Variants in CALN1 observed in about 807,000 individuals in gnomAD.
The protein encoded by CALN1 is calneuron 1.
CALN1 carries 17 observed loss-of-function variants against 30.6 expected under a neutral mutation model. The observed-to-expected ratio is 0.56, with a 90% CI of 0.38 to 0.83. The LOEUF (loss-of-function observed/expected upper bound fraction) is 0.83, where lower values mean the gene tolerates loss of function less well. Among genes scored for constraint, CALN1 ranks in the 40% least tolerant of loss-of-function variants. The pLI, the probability that CALN1 is intolerant of heterozygous loss-of-function variation, is 0.00. For synonymous variants in CALN1, 156 were observed against 131.4 expected (o/e 1.19, Z -1.28); for missense variants, 291 against 354.9 (o/e 0.82, Z 1.45).
At chr7:72,068,480 G>A (rs1804174932) in intron 4 of CALN1, among the ~76,000 whole-genome samples, 1 of 146,582 alleles carries the variant, frequency 6.8e-6, no homozygotes, top group South Asian at 2.2e-4. Context: ...CCTCCTCTTT[G>A]GGCCTCCTGT....
chr7:72,311,098 G>A lies in CALN1; in HGVS notation c.120-32288C>T, dbSNP rs544434483. The stretch of plus-strand genomic sequence containing the variant: ...CCTCTTCCGACTCTGCCACCCCTTG[G>A]GGAACAAGACCAGCCCCTCCTCCTC... On this transcript the variant is annotated intron_variant, in intron 2 of 6. Coordinates refer to ENST00000395275, the MANE Select transcript of CALN1 (RefSeq NM_031468.4). Among the ~76,000 whole-genome samples, 46 of 151,846 alleles carry A rather than the reference G, an allele frequency of 3.0e-4. 1 individual carries two copies. The South Asian group carries it at 9.4e-3, about 31-fold the overall frequency.
chr7:71,790,866 GGTGT>G (rs139597667), intron 6 of CALN1, among the ~76,000 whole-genome samples: 1 of 151,880 alleles, frequency 6.6e-6, no homozygotes, highest in African/African-American at 2.4e-5. Flanking sequence ...GGACAGGAGG[GGTGT>G]GTGTGTGTGT....
chr7:72,344,276 A>G (rs1802514365), intron 2 of CALN1, among the ~76,000 whole-genome samples: 1 of 152,168 alleles, frequency 6.6e-6, no homozygotes, highest in African/African-American at 2.4e-5. Flanking sequence ...CCACAGAACC[A>G]CAAGAGGCAG....
chr7:71,978,262 C>CTTTTTTTTTTTTTTTTTTT (rs1010635078), intron 5 of CALN1, among the ~76,000 whole-genome samples: 14 of 72,934 alleles, frequency 1.9e-4, no homozygotes, highest in African/African-American at 7.4e-4. Context: ...CTAGAGAATT[C>CTTTTTTTTTTTTTTTTTTT]TTTTTTTTTT....
At chr7:71,877,499 G>A (rs557037607) in intron 5 of CALN1, among the ~76,000 whole-genome samples, 1 of 152,084 alleles carries the variant, frequency 6.6e-6, no homozygotes, top group East Asian at 1.9e-4. Context: ...TAAATATTTA[G>A]TTTATATAAT....
intron 5 of CALN1, among the ~76,000 whole-genome samples, chr7:71,970,167 G>A (rs915671082): frequency 6.6e-6 from 1 of 152,074 alleles, no homozygotes. Flanking sequence ...CATTCCTAAT[G>A]GGGCACAGAA....
rs117123758 is a variant in CALN1, at chr7:72,117,339, G to A, written c.245-11045C>T. ...AAATAAGGGGACTGTCGAAGCCGAG[G>A]TTTTTGTTACGTAGATGAAGTCTCA... On this transcript the variant is annotated intron_variant, in intron 3 of 6. Coordinates refer to ENST00000395275, the MANE Select transcript of CALN1 (RefSeq NM_031468.4). Among the ~76,000 whole-genome samples the A allele has an allele frequency of 4.5e-3, 686 of 152,276 alleles. 3 individuals carry two copies. The highest frequency in any genetic ancestry group is 7.2e-3 in the Non-Finnish European group (490 of 68,026).
intron 3 of CALN1, among the ~76,000 whole-genome samples, chr7:72,262,296 C>T (rs1158851153): frequency 3.3e-5 from 5 of 152,238 alleles, no homozygotes; most frequent in Non-Finnish European, 5.9e-5. Flanking sequence ...ATGCAGCCAT[C>T]TGCAGATGTT....
intron 2 of CALN1, among the ~76,000 whole-genome samples, chr7:72,287,761 T>C (rs1798187051): frequency 6.6e-6 from 1 of 152,162 alleles, no homozygotes; most frequent in Admixed American, 6.6e-5. Context: ...AATTTTTAAC[T>C]GCTCAACAGT....
intron 2 of CALN1, among the ~76,000 whole-genome samples, chr7:72,307,092 T>G (rs533141615): frequency 3.2e-4 from 48 of 152,138 alleles, no homozygotes; most frequent in Non-Finnish European, 5.4e-4. Flanking sequence ...CAGACTTCTG[T>G]TTTTGGTTTT....
Position 72,150,139 on chromosome 7 carries a change from A to G in CALN1, c.245-43845T>C, listed in dbSNP as rs932610987. 4.1e-3 allele frequency among the ~76,000 whole-genome samples: 624 copies of G among 152,060 alleles called. 8 individuals carry two copies. The highest frequency in any genetic ancestry group is 0.013 in the African/African-American group (546 of 41,480). On this transcript the variant is annotated intron_variant, in intron 3 of 6. Coordinates refer to ENST00000395275, the MANE Select transcript of CALN1 (RefSeq NM_031468.4). Reference sequence around the variant, plus strand: ...TAAAACTCCATCTCAAAAAAAAAAAAAAAAACAGATAGAAGTTACCAGGAC... The same window carrying G: ...TAAAACTCCATCTCAAAAAAAAAAAGAAAAACAGATAGAAGTTACCAGGAC...
chr7:72,013,466 C>T (rs207468073), intron 5 of CALN1, among the ~76,000 whole-genome samples: 1 of 151,712 alleles, frequency 6.6e-6, no homozygotes. Flanking sequence ...CGCCTAGGCT[C>T]CTGTCAAACT....
chr7:72,248,721 G>A (rs557892617), intron 3 of CALN1, among the ~76,000 whole-genome samples: 1 of 152,060 alleles, frequency 6.6e-6, no homozygotes, highest in South Asian at 2.1e-4. Context: ...ACAAGTGTCA[G>A]GAATTAGGAC....
chr7:72,312,121 A>G (rs1280224137), intron 2 of CALN1, among the ~76,000 whole-genome samples: 1 of 152,060 alleles, frequency 6.6e-6, no homozygotes. Flanking sequence ...AGTCACTCCC[A>G]GGCTGGGCGC....
intron 2 of CALN1, among the ~76,000 whole-genome samples, chr7:72,394,267 T>C (rs1333021174): frequency 1.3e-5 from 2 of 152,246 alleles, no homozygotes; most frequent in South Asian, 2.1e-4. Flanking sequence ...CAAAAGCCCT[T>C]CCCTTAGGTG....
At chr7:72,496,888 T>C in the CALN1 span, among the ~76,000 whole-genome samples, 3 of 152,124 alleles carry the variant, frequency 2.0e-5, no homozygotes, top group Non-Finnish European at 4.4e-5. Flanking sequence ...GCTAAAGTTT[T>C]ATTAGGGCTT....
intron 3 of CALN1, among the ~76,000 whole-genome samples, chr7:72,219,713 C>T (rs1371500453): frequency 6.6e-5 from 10 of 151,674 alleles, no homozygotes; most frequent in African/African-American, 9.7e-5. Flanking sequence ...CACACACGCA[C>T]GTGCACACAT....
intron 3 of CALN1, among the ~76,000 whole-genome samples, chr7:72,142,709 A>T (rs550152612): frequency 6.6e-6 from 1 of 152,304 alleles, no homozygotes; most frequent in East Asian, 1.9e-4. Context: ...GAGTAGCCTA[A>T]CTGGGAAGCA....
At chr7:72,133,759 G>C (rs918535209) in intron 3 of CALN1, among the ~76,000 whole-genome samples, 6 of 152,266 alleles carry the variant, frequency 3.9e-5, no homozygotes, top group Non-Finnish European at 8.8e-5. Context: ...CACCTGATTA[G>C]GTTCCAGGAC....
Sources: allele counts gnomAD v4.1 joint callset (sites outside exome capture counted in the v4.1 genomes callset), GRCh38; gene constraint gnomAD v4.1.1; transcripts MANE v1.5; gene names NCBI Gene and HGNC (gene_info 2026-07-23, HGNC 2026-07-21).